The following PBRM1 variants were observed in gnomAD, a reference collection of about 807,000 sequenced individuals.
The protein encoded by PBRM1 is polybromo 1, also known as protein polybromo-1.
A neutral mutation model predicts 194.5 loss-of-function variants in PBRM1; 27 were observed. The ratio of observed to expected loss-of-function variants is 0.14; its 90% CI spans 0.10 to 0.19. The LOEUF is 0.19. Among genes scored for constraint, PBRM1 ranks in the 10% least tolerant of loss-of-function variants. The pLI is 1.00. For missense variants in PBRM1, 1,466 were observed against 2,077.2 expected (o/e 0.71, Z 5.72); for synonymous variants, 655 against 693.2 (o/e 0.94, Z 0.87).
At chr3:52,632,972 TTA>T (rs2095670680) in intron 11 of PBRM1, among the ~76,000 whole-genome samples, 1 of 152,142 alleles carries the variant, frequency 6.6e-6, no homozygotes, top group Admixed American at 6.5e-5. Flanking sequence ...AGTGCTGGGA[TTA>T]TAGGTGTGAG....
chr3:52,679,854 C>T, upstream of PBRM1: 2 of 551,590 alleles, frequency 3.6e-6, no homozygotes, highest in South Asian at 4.2e-5. Context: ...GTTTAACTAG[C>T]TATAAGTTTT....
chr3:52,548,982 T>C (rs2080171242), intron 29 of PBRM1, among the ~76,000 whole-genome samples: 1 of 151,998 alleles, frequency 6.6e-6, no homozygotes, highest in African/African-American at 2.4e-5. Flanking sequence ...GCCTAATCGG[T>C]TTCTAATATT....
intron 20 of PBRM1, among the ~76,000 whole-genome samples, chr3:52,581,653 T>C (rs1241082586): frequency 1.3e-5 from 2 of 152,052 alleles, no homozygotes; most frequent in Non-Finnish European, 2.9e-5. Flanking sequence ...TCTTTTTTTT[T>C]TTTGATACGG....
exon 11 of PBRM1, chr3:52,634,797 C>A: frequency 1.2e-6 from 2 of 1,613,628 alleles, no homozygotes; most frequent in East Asian, 2.2e-5. Context: ...TTCTGACTCT[C>A]CCTCTTCATA....
intron 10 of PBRM1, among the ~76,000 whole-genome samples, chr3:52,641,470 A>C (rs936082575): frequency 4.0e-5 from 6 of 151,120 alleles, no homozygotes; most frequent in South Asian, 2.1e-4. Flanking sequence ...AAAAGAAAAA[A>C]AAAAGAAAGA....
chr3:52,603,869 C>T (rs1176875788), intron 16 of PBRM1, 137 bp from the exon 19 acceptor site: 43 of 810,060 alleles, frequency 5.3e-5, no homozygotes, highest in East Asian at 3.0e-4. Context: ...AGTATCTTTC[C>T]GAAGTTTGTT....
chr3:52,594,549 CTT>C (rs1444307422), intron 17 of PBRM1, among the ~76,000 whole-genome samples: 1 of 152,144 alleles, frequency 6.6e-6, no homozygotes, highest in Non-Finnish European at 1.5e-5. Context: ...GCTTGCCACT[CTT>C]GTTTCTTTTA....
intron 17 of PBRM1, among the ~76,000 whole-genome samples, chr3:52,591,987 C>T (rs187906033): frequency 4.7e-5 from 7 of 149,322 alleles, no homozygotes; most frequent in East Asian, 3.9e-4. Context: ...CGACCATGCC[C>T]GGCTAATTTT....
chr3:52,556,697 C>T (rs369808848), intron 26 of PBRM1, among the ~76,000 whole-genome samples: 1 of 152,210 alleles, frequency 6.6e-6, no homozygotes, highest in African/African-American at 2.4e-5. Context: ...AAGACTCAGG[C>T]CCTAAGAAAC....
At chr3:52,681,782 G>A (rs1472908972), upstream of PBRM1, 4 of 937,402 alleles carry the variant, frequency 4.3e-6, no homozygotes, top group South Asian at 5.0e-5. Flanking sequence ...GAGAAGGAAG[G>A]GCTTTAGAAG....
chr3:52,548,451 G>A (rs1402329561), intron 29 of PBRM1, among the ~76,000 whole-genome samples: 1 of 147,636 alleles, frequency 6.8e-6, no homozygotes, highest in Non-Finnish European at 1.5e-5. Flanking sequence ...TTTTGACATC[G>A]AGTCTCGCTC....
At chr3:52,562,122 C>A in intron 24 of PBRM1, among the ~76,000 whole-genome samples, 154 bp from the exon 27 acceptor site, 1 of 151,634 alleles carries the variant, frequency 6.6e-6, no homozygotes, top group East Asian at 1.9e-4. Context: ...GAGATTGAGA[C>A]CATCCTGGCT....
At position 52,628,881 on chromosome 3, in the gene PBRM1, CAAT is replaced by C; in HGVS notation, c.1443+10_1443+12del. The C allele has an allele frequency of 6.2e-7, 1 of 1,612,776 alleles. No homozygotes were observed. The highest frequency in any genetic ancestry group is 8.5e-7 in the Non-Finnish European group (1 of 1,179,232). On this transcript the variant is annotated intron_variant, in intron 12 of 29. Transcript: ENST00000296302. ...ATATATACAACAAACTCAGCAAAAA[CAAT>C]AAATCACACCTGCATAACTTGCTGC...
chr3:52,682,789 G>A (rs1043505140), upstream of PBRM1, among the ~76,000 whole-genome samples: 21 of 152,118 alleles, frequency 1.4e-4, no homozygotes, highest in Admixed American at 9.8e-4. Flanking sequence ...ACGTAATGCC[G>A]GGAGTGGTGG....
At chr3:52,677,244 C>G (rs552947418) in intron 2 of PBRM1, among the ~76,000 whole-genome samples, 1 of 152,002 alleles carries the variant, frequency 6.6e-6, no homozygotes, top group Non-Finnish European at 1.5e-5. Context: ...CTAAGGACAC[C>G]GTACAAAATG....
At chr3:52,606,641 T>C (rs552296735) in intron 16 of PBRM1, among the ~76,000 whole-genome samples, 1 of 152,266 alleles carries the variant, frequency 6.6e-6, no homozygotes, top group South Asian at 2.1e-4. Flanking sequence ...TGCAGGAACA[T>C]AAACGCAAGC....
chr3:52,577,430 CAAAAAAAAAAAAA>C lies in PBRM1; in HGVS notation c.3534-745_3534-733del, dbSNP rs71084193. On this transcript the variant is annotated intron_variant, in intron 21 of 29. Coordinates refer to ENST00000296302, the Ensembl canonical transcript of PBRM1. ...TAGGTGACAGAACCAGACAATGTCTCAAAAAAAAAAAAAAAAAAAAAAAAAAATCTAGTGCCCC... is the reference window on the plus strand; with the variant it reads ...TAGGTGACAGAACCAGACAATGTCTCAAAAAAAAAAAAAATCTAGTGCCCC... Among the ~76,000 whole-genome samples the C allele has an allele frequency of 2.0e-3, 129 of 65,720 alleles. 1 individual carries two copies. Among genetic ancestry groups the C allele is most frequent in the African/African-American group, 6.7e-3 (100 of 14,968 alleles). The allele number at this position is 65,720 out of a possible 152,430, so 43.1% of individuals were successfully genotyped here.
intron 22 of PBRM1, among the ~76,000 whole-genome samples, chr3:52,570,824 T>C (rs138675537): frequency 6.6e-6 from 1 of 152,238 alleles, no homozygotes; most frequent in East Asian, 1.9e-4. Flanking sequence ...ATAATTTTCT[T>C]ATAGTTGTGT....
upstream of PBRM1, among the ~76,000 whole-genome samples, chr3:52,683,216 A>T (rs562497351): frequency 5.3e-5 from 8 of 151,292 alleles, no homozygotes; most frequent in Non-Finnish European, 1.0e-4. Flanking sequence ...AAAATAATAA[A>T]AAAAAAAATT....
Sources: gnomAD v4.1 joint callset for allele counts (sites outside exome capture counted in the v4.1 genomes callset) on GRCh38, gnomAD v4.1.1 for gene constraint, MANE v1.5 for transcripts, NCBI Gene and HGNC (gene_info 2026-07-23, HGNC 2026-07-21) for gene names.